The following PDS5B variants were observed in gnomAD, a reference collection of about 807,000 sequenced individuals.
PDS5B encodes the protein sister chromatid cohesion protein PDS5 homolog B.
In PDS5B, 51 loss-of-function variants were observed where a neutral mutation model predicts 184.1. That is an observed-to-expected ratio of 0.28 (90% CI 0.22 to 0.35). The LOEUF (loss-of-function observed/expected upper bound fraction) is 0.35. PDS5B is among the 10% of genes least tolerant of loss of function. The pLI, the probability that PDS5B is intolerant of heterozygous loss-of-function variation, is 1.00. For missense variants in PDS5B, 1,180 were observed against 1,723.3 expected, an observed-to-expected ratio of 0.68 and a Z score of 5.58; for synonymous variants, 566 against 569.2, an observed-to-expected ratio of 0.99 and a Z score of 0.08.
intron 1 of PDS5B, among the ~76,000 whole-genome samples, chr13:32,620,572 G>A (rs1257241971): frequency 3.3e-5 from 5 of 151,818 alleles, no homozygotes; most frequent in African/African-American, 4.8e-5. Flanking sequence ...CGGGAGAATG[G>A]CGTGAACCCA....
At chr13:32,668,011 T>C (rs554416595) in intron 7 of PDS5B, among the ~76,000 whole-genome samples, 167 bp downstream of exon 7, 7 of 152,218 alleles carry the variant, frequency 4.6e-5, no homozygotes, top group Non-Finnish European at 1.0e-4. Flanking sequence ...TTATTCTTGC[T>C]TTATATTTTT....
intron 19 of PDS5B, among the ~76,000 whole-genome samples, chr13:32,713,873 T>C (rs1952283469): frequency 6.6e-6 from 1 of 152,200 alleles, no homozygotes; most frequent in Admixed American, 6.5e-5. Context: ...TTCACAAATA[T>C]CAAGAAAAAC....
Position 32,735,179 on chromosome 13 carries a change from A to G in PDS5B, c.2255A>G (p.His752Arg). Residue 752 changes from histidine to arginine, a missense_variant, in exon 21 of 35, where the codon CAT becomes CGT. Transcript: ENST00000315596. ...TQFAQIFEPLHKSLDPSNLEH... is the reference protein window; with the variant it reads ...TQFAQIFEPLRKSLDPSNLEH... ...TCCTCCCCTCATTTTCAGCCTCTGC[A>G]TAAGAGCCTAGATCCAAGCAACCTG... The G allele has an allele frequency of 6.3e-7, 1 of 1,585,556 alleles. No homozygotes were observed. Among genetic ancestry groups the G allele is most frequent in the Non-Finnish European group, 8.6e-7 (1 of 1,166,624 alleles).
chr13:32,635,170 G>GTTTTTTTTTTTTTTTT (rs71071054), intron 1 of PDS5B, among the ~76,000 whole-genome samples: 1 of 81,058 alleles, frequency 1.2e-5, no homozygotes, highest in Non-Finnish European at 2.5e-5. Context: ...AGCCAATTAC[G>GTTTTTTTTTTTTTTTT]TTTTTTTTTT....
At chr13:32,705,392 C>T (rs554617164) in intron 17 of PDS5B, among the ~76,000 whole-genome samples, 53 of 152,068 alleles carry the variant, frequency 3.5e-4, no homozygotes, top group Middle Eastern at 3.4e-3. Flanking sequence ...GGAAAATGAG[C>T]AGAAAAAGAG....
At chr13:32,716,475 GT>G (rs1310208273) in intron 19 of PDS5B, among the ~76,000 whole-genome samples, 1 of 147,844 alleles carries the variant, frequency 6.8e-6, no homozygotes, top group Non-Finnish European at 1.5e-5. Flanking sequence ...CAGCCGCCCC[GT>G]CTGAGAAGTG....
chr13:32,739,122 C>CT (rs1953447700), intron 21 of PDS5B, among the ~76,000 whole-genome samples: 1 of 151,336 alleles, frequency 6.6e-6, no homozygotes, highest in African/African-American at 2.4e-5. Flanking sequence ...TGAAGGTTTT[C>CT]TTTTTTTACA....
chr13:32,604,824 T>G (rs1482411603), intron 1 of PDS5B, among the ~76,000 whole-genome samples: 2 of 152,204 alleles, frequency 1.3e-5, no homozygotes, highest in Admixed American at 6.5e-5. Flanking sequence ...GTCCAGGAAT[T>G]TATCCATTTC....
intron 21 of PDS5B, among the ~76,000 whole-genome samples, chr13:32,736,005 G>A (rs1053430505): frequency 6.6e-6 from 1 of 151,674 alleles, no homozygotes; most frequent in Non-Finnish European, 1.5e-5. Flanking sequence ...TTTACATTTT[G>A]CTATTATTTT....
intron 6 of PDS5B, among the ~76,000 whole-genome samples, chr13:32,660,858 C>T (rs539951328): frequency 2.6e-4 from 40 of 152,126 alleles, no homozygotes; most frequent in Admixed American, 2.6e-4. Context: ...TAGATTCAAT[C>T]TTTTGCTTAG....
At chr13:32,610,040 G>C (rs1324456275) in intron 1 of PDS5B, among the ~76,000 whole-genome samples, 1 of 152,190 alleles carries the variant, frequency 6.6e-6, no homozygotes, top group Admixed American at 6.5e-5. Context: ...AGATTAACTA[G>C]TGTAAGAGTT....
intron 24 of PDS5B, among the ~76,000 whole-genome samples, chr13:32,750,857 G>A: frequency 6.8e-6 from 1 of 147,134 alleles, no homozygotes; most frequent in East Asian, 2.0e-4. Flanking sequence ...CTGTGTGTGT[G>A]TGTGTGTGTG....
At chr13:32,612,092 G>A (rs545237842) in intron 1 of PDS5B, among the ~76,000 whole-genome samples, 45 of 151,228 alleles carry the variant, frequency 3.0e-4, no homozygotes, top group Middle Eastern at 3.4e-3. Context: ...TCAGGAGACT[G>A]TGCATCTTTT....
intron 3 of PDS5B, among the ~76,000 whole-genome samples, chr13:32,654,420 G>T (rs1950445760): frequency 6.6e-6 from 1 of 152,116 alleles, no homozygotes. Context: ...GCTACATAGG[G>T]TCAATATGGC....
At chr13:32,761,411 A>G (rs1954390833) in intron 30 of PDS5B, among the ~76,000 whole-genome samples, 1 of 152,050 alleles carries the variant, frequency 6.6e-6, no homozygotes, top group African/African-American at 2.4e-5. Context: ...ACATGGGTAT[A>G]TTGCATCCAG....
chr13:32,774,844 T>C (rs1319841829), intron 34 of PDS5B, among the ~76,000 whole-genome samples, 173 bp from the exon 35 acceptor site: 2 of 152,180 alleles, frequency 1.3e-5, no homozygotes, highest in African/African-American at 2.4e-5. Context: ...TCAAATGTTA[T>C]AGAGGTCTAA....
At chr13:32,662,528 T>A (rs1297188072) in intron 6 of PDS5B, among the ~76,000 whole-genome samples, 3 of 152,080 alleles carry the variant, frequency 2.0e-5, no homozygotes, top group Non-Finnish European at 4.4e-5. Flanking sequence ...GTAAACTGAG[T>A]TTATAAAAAT....
chr13:32,755,171 T>C (rs1954129933), intron 25 of PDS5B, among the ~76,000 whole-genome samples: 1 of 152,176 alleles, frequency 6.6e-6, no homozygotes, highest in Non-Finnish European at 1.5e-5. Flanking sequence ...GAAATATAAA[T>C]GGAAATTGTC....
intron 18 of PDS5B, among the ~76,000 whole-genome samples, chr13:32,708,156 T>C (rs1346135681): frequency 1.3e-5 from 2 of 152,182 alleles, no homozygotes; most frequent in East Asian, 3.9e-4. Context: ...GCTACAACTC[T>C]CTGCACCCTA....
Sources: gnomAD v4.1 joint callset for allele counts (sites outside exome capture counted in the v4.1 genomes callset) on GRCh38, gnomAD v4.1.1 for gene constraint, MANE v1.5 for transcripts, NCBI Gene and HGNC (gene_info 2026-07-23, HGNC 2026-07-21) for gene names.